The following CSMD1 variants were observed in gnomAD, a reference collection of about 807,000 sequenced individuals.
CSMD1 encodes CUB and sushi domain-containing protein 1.
Under a neutral mutation model 417.5 loss-of-function variants are expected in CSMD1, and 213 were observed. The observed-to-expected ratio is 0.51, with a 90% CI of 0.46 to 0.57. The LOEUF (loss-of-function observed/expected upper bound fraction) is 0.57, where lower values mean the gene tolerates loss of function less well. CSMD1 is among the 20% of genes least tolerant of loss of function. CSMD1 has a pLI of 0.00. For missense variants in CSMD1, 6,923 were observed against 4,529.7 expected (o/e 1.53, Z -15.17); for synonymous variants, 2,862 against 1,736.8 (o/e 1.65, Z -16.11).
intron 5 of CSMD1, among the ~76,000 whole-genome samples, chr8:3,896,729 C>A (rs1015970100): frequency 1.3e-5 from 2 of 151,890 alleles, no homozygotes; most frequent in African/African-American, 2.4e-5. Flanking sequence ...CCAGGATGGT[C>A]TCGATCCTGA....
At chr8:3,564,767 A>G (rs2116883356) in intron 10 of CSMD1, among the ~76,000 whole-genome samples, 1 of 152,196 alleles carries the variant, frequency 6.6e-6, no homozygotes, top group South Asian at 2.1e-4. Context: ...AAAAACCACA[A>G]TCGATCTTGA....
At chr8:4,257,435 T>C (rs1340203081) in intron 3 of CSMD1, among the ~76,000 whole-genome samples, 1 of 152,022 alleles carries the variant, frequency 6.6e-6, no homozygotes, top group East Asian at 1.9e-4. Context: ...TCTCTCTCTT[T>C]AGGCTTATTA....
At chr8:3,480,147 T>A (rs1234900095) in intron 11 of CSMD1, among the ~76,000 whole-genome samples, 2 of 151,888 alleles carry the variant, frequency 1.3e-5, no homozygotes, top group East Asian at 3.9e-4. Context: ...TTGCCTGAGC[T>A]CAGGAGTTCA....
At chr8:4,340,376 A>C (rs1400444807) in intron 3 of CSMD1, among the ~76,000 whole-genome samples, 1 of 152,020 alleles carries the variant, frequency 6.6e-6, no homozygotes, top group East Asian at 1.9e-4. Flanking sequence ...AAAATGTAGA[A>C]AATAACACTC....
chr8:3,748,507 C>T (rs1174053424), intron 6 of CSMD1, among the ~76,000 whole-genome samples: 4 of 152,080 alleles, frequency 2.6e-5, no homozygotes, highest in Admixed American at 6.6e-5. Flanking sequence ...CCATTCCTTC[C>T]GCTAAACGTA....
intron 26 of CSMD1, among the ~76,000 whole-genome samples, chr8:3,233,174 T>TA (rs1307028542): frequency 6.6e-6 from 1 of 152,200 alleles, no homozygotes; most frequent in African/African-American, 2.4e-5. Context: ...CTCAAAAACT[T>TA]ACGTTGAAAT....
At chr8:4,596,246 A>G (rs1044387639) in intron 2 of CSMD1, among the ~76,000 whole-genome samples, 1 of 152,208 alleles carries the variant, frequency 6.6e-6, no homozygotes, top group Non-Finnish European at 1.5e-5. Context: ...ATAGGACAGT[A>G]TATTAACTAT....
At position 3,029,787 on chromosome 8, in the gene CSMD1, T is replaced by C. The variant is rs549387911; in HGVS notation, c.7661-274A>G. 1.1e-4 allele frequency among the ~76,000 whole-genome samples: 16 copies of C among 152,136 alleles called. No individual in the cohort carries two copies. In the East Asian group the frequency reaches 2.7e-3, roughly 26 times the overall value. ...GGGGTAAATCACTTCCACAAAAGTA[T>C]ATGGCTCATTGAAGTTGATGAAAAT... On this transcript the variant is annotated intron_variant, in intron 50 of 69. Coordinates refer to ENST00000635120, the MANE Select transcript of CSMD1 (RefSeq NM_033225.6).
At chr8:4,536,288 A>C (rs73661512) in intron 2 of CSMD1, among the ~76,000 whole-genome samples, 1 of 152,198 alleles carries the variant, frequency 6.6e-6, no homozygotes, top group Non-Finnish European at 1.5e-5. Context: ...ATGTTCTATT[A>C]AAAAAAATCT....
At chr8:3,036,728 G>A (rs1266962449) in intron 50 of CSMD1, among the ~76,000 whole-genome samples, 1 of 152,090 alleles carries the variant, frequency 6.6e-6, no homozygotes, top group Non-Finnish European at 1.5e-5. Context: ...CCTTTTAAAT[G>A]TGTTTCATAC....
chr8:4,933,291 G>A (rs1364988586), intron 1 of CSMD1, among the ~76,000 whole-genome samples: 1 of 152,074 alleles, frequency 6.6e-6, no homozygotes, highest in East Asian at 1.9e-4. Context: ...TCTCTCAGAG[G>A]AGCACAACCT....
chr8:4,985,310 T>C (rs1351361153), intron 1 of CSMD1, among the ~76,000 whole-genome samples: 1 of 152,076 alleles, frequency 6.6e-6, no homozygotes, highest in Non-Finnish European at 1.5e-5. Context: ...CAACCCCCCA[T>C]GACACACATT....
chr8:3,514,533 G>T (rs762847758), intron 10 of CSMD1, among the ~76,000 whole-genome samples: 6 of 152,102 alleles, frequency 3.9e-5, no homozygotes, highest in African/African-American at 4.8e-5. Flanking sequence ...TAAAAGTAAT[G>T]TTTCACAAAT....
chr8:3,485,762 AAAAATAAAAT>A (rs66605905), intron 11 of CSMD1, among the ~76,000 whole-genome samples: 52,776 of 110,444 alleles, frequency 0.48, 14,045 homozygotes, highest in Non-Finnish European at 0.54. Context: ...TCAGCCTCAA[AAAAATAAAAT>A]AAAATAAAAT....
At chr8:3,924,846 G>C (rs1809530036) in intron 5 of CSMD1, among the ~76,000 whole-genome samples, 1 of 151,878 alleles carries the variant, frequency 6.6e-6, no homozygotes, top group Non-Finnish European at 1.5e-5. Context: ...TTTTTGTCAG[G>C]CGGTTCAAAA....
chr8:4,902,039 G>T (rs1207803697), intron 1 of CSMD1, among the ~76,000 whole-genome samples: 1 of 152,084 alleles, frequency 6.6e-6, no homozygotes, highest in Non-Finnish European at 1.5e-5. Flanking sequence ...ACATACTGTG[G>T]CTTTGGCTAT....
intron 12 of CSMD1, among the ~76,000 whole-genome samples, chr8:3,454,746 T>G (rs1287042244): frequency 6.6e-6 from 1 of 152,202 alleles, no homozygotes; most frequent in African/African-American, 2.4e-5. Context: ...GCCCTTTAAA[T>G]TTTTTCTTCA....
intron 11 of CSMD1, chr8:3,469,284 A>G (rs1816952470): frequency 6.5e-6 from 1 of 152,958 alleles, no homozygotes; most frequent in Admixed American, 6.5e-5. Context: ...TTCATTCACA[A>G]AAGGTTTTCA....
intron 1 of CSMD1, among the ~76,000 whole-genome samples, chr8:4,865,466 T>C (rs932945570): frequency 6.6e-6 from 1 of 151,860 alleles, no homozygotes; most frequent in Non-Finnish European, 1.5e-5. Context: ...CTTTGAGTAA[T>C]ATATACACAG....
Sources: allele counts gnomAD v4.1 joint callset (sites outside exome capture counted in the v4.1 genomes callset), GRCh38; gene constraint gnomAD v4.1.1; transcripts MANE v1.5; gene names NCBI Gene and HGNC (gene_info 2026-07-23, HGNC 2026-07-21).